ZBED6: variants seen among roughly 807,000 people sequenced by gnomAD.
The protein encoded by ZBED6 is zinc finger BED-type containing 6, also known as zinc finger BED domain-containing protein 6.
A neutral mutation model predicts 58.4 loss-of-function variants in ZBED6; 40 were observed. The ratio of observed to expected loss-of-function variants is 0.68; its 90% CI spans 0.53 to 0.89. The LOEUF is 0.89. ZBED6 is among the 40% of genes least tolerant of loss of function. ZBED6 has a pLI of 0.00. For missense variants in ZBED6, 1,057 were observed against 1,003.9 expected (o/e 1.05, Z -0.71); for synonymous variants, 439 against 350.6 (o/e 1.25, Z -2.82).
Position 203,822,201 on chromosome 1 carries a change from A to G in ZBED6, c.*2873+3512A>G, listed in dbSNP as rs189299486. ...TCCAGAAGTGAGAAACTTGGTTTTC[A>G]TTGTTCATAATACTTTTATTTATTT... On this transcript the variant is annotated intron_variant, in intron 3 of 16. Transcript: ENST00000550078. 1.8e-3 allele frequency among the ~76,000 whole-genome samples: 279 copies of G among 152,224 alleles called. 2 individuals are homozygous for G. The highest frequency in any genetic ancestry group is 6.5e-3 in the African/African-American group (268 of 41,532).
intron 16 of ZBED6, 122 bp from the exon 17 acceptor site, chr1:203,852,019 A>T: frequency 1.2e-6 from 1 of 822,162 alleles, no homozygotes; most frequent in Non-Finnish European, 1.9e-6. Flanking sequence ...TCAGTAAAAG[A>T]ATTATTTCTT....
chr1:203,841,947 C>T (rs1200506384), intron 11 of ZBED6, among the ~76,000 whole-genome samples: 1 of 140,246 alleles, frequency 7.1e-6, no homozygotes, highest in Non-Finnish European at 1.5e-5. Context: ...AGAGACACTC[C>T]TCAGTTCCCA....
At chr1:203,852,032 T>TAAA in intron 16 of ZBED6, 109 bp from the exon 17 acceptor site, 1 of 1,083,536 alleles carries the variant, frequency 9.2e-7, no homozygotes, top group Admixed American at 2.6e-5. Flanking sequence ...TATTTCTTTA[T>TAAA]GTATGTTCTT....
In ZBED6 at chr1:203,799,050, TTTCTC is replaced by T; in HGVS notation, c.1529_1533del (p.Phe510Ter). 1 of 1,536,186 alleles carries T rather than the reference TTTCTC, an allele frequency of 6.5e-7. No individual in the cohort carries two copies. Among genetic ancestry groups the T allele is most frequent in the Non-Finnish European group, 8.7e-7 (1 of 1,146,918 alleles). On this transcript the variant is annotated frameshift_variant, in exon 1 of 17. Coordinates refer to ENST00000550078, the Ensembl canonical transcript of ZBED6. LOFTEE classifies it high-confidence loss of function. ...CTGGGTTTCTTTGGAAACTGCGTCT[TTTCTC>T]AATAATGGCAGGATCCCCGATTTTA... is the stretch of plus-strand genomic sequence containing the variant.
intron 13 of ZBED6, 113 bp from the exon 14 acceptor site, chr1:203,849,598 C>G: frequency 9.8e-7 from 1 of 1,015,604 alleles, no homozygotes; most frequent in Non-Finnish European, 1.5e-6. Context: ...GCTTTTCTCT[C>G]AGATTCTGGA....
exon 1 of ZBED6, chr1:203,800,909 A>C (rs1670372101): frequency 1.3e-5 from 2 of 152,622 alleles, no homozygotes; most frequent in Non-Finnish European, 2.9e-5. Context: ...ATGCTTAATT[A>C]CAACTTGGCA....
intron 9 of ZBED6, among the ~76,000 whole-genome samples, chr1:203,835,058 C>G (rs1043665017): frequency 6.6e-6 from 1 of 152,198 alleles, no homozygotes; most frequent in African/African-American, 2.4e-5. Context: ...TGATGCAGTT[C>G]TCACTACCCT....
chr1:203,808,923 C>CG (rs767879909), intron 1 of ZBED6, among the ~76,000 whole-genome samples: 69 of 151,526 alleles, frequency 4.6e-4, no homozygotes, highest in Non-Finnish European at 8.7e-4. Flanking sequence ...CTCCACCTCC[C>CG]GGGTTCAGGT....
chr1:203,850,019 G>A (rs745660955), exon 14 of ZBED6: 3 of 1,613,904 alleles, frequency 1.9e-6, no homozygotes, highest in East Asian at 2.2e-5. Flanking sequence ...TGGAAAAAAG[G>A]GGTAAAGGCA....
At chr1:203,818,841 G>A (rs957885425) in intron 3 of ZBED6, 152 bp downstream of exon 3, 65 of 1,240,024 alleles carry the variant, frequency 5.2e-5, no homozygotes, top group African/African-American at 2.4e-4. Context: ...AGGCTGAGGC[G>A]GGTAGATCAT....
At chr1:203,843,839 T>C (rs1412582007) in intron 11 of ZBED6, among the ~76,000 whole-genome samples, 2 of 152,186 alleles carry the variant, frequency 1.3e-5, no homozygotes, top group Non-Finnish European at 2.9e-5. Context: ...TATTTTTTTT[T>C]CTTTATTCTC....
At chr1:203,799,387 C>A (rs1380120701) in exon 1 of ZBED6, 1 of 703,204 alleles carries the variant, frequency 1.4e-6, no homozygotes, top group African/African-American at 1.7e-5. Flanking sequence ...TCGGTCAAGG[C>A]CCGTCAGATA....
chr1:203,840,244 G>A (rs1685681231), intron 10 of ZBED6, 62 bp from the exon 11 acceptor site: 2 of 1,536,388 alleles, frequency 1.3e-6, no homozygotes, highest in African/African-American at 1.4e-5. Flanking sequence ...CAGCAAACCT[G>A]TATTTAAGCT....
Position 203,837,826 on chromosome 1 carries a change from T to C in ZBED6, c.*3574-140T>C, listed in dbSNP as rs939150847. On this transcript the variant is annotated intron_variant, in intron 9 of 16. Transcript: ENST00000550078. The stretch of plus-strand genomic sequence containing the variant: ...TTTTTATGTTTCTAACATTGAACTC[T>C]AAGGAAGCTGGTGAACAAACACGCC... 18 of 765,942 alleles carry C rather than the reference T, an allele frequency of 2.4e-5. No homozygotes were observed. The African/African-American group carries it at 3.2e-4, about 14-fold the overall frequency. 47.4% of individuals were successfully genotyped at this position (765,942 alleles called of 1,614,324 possible).
chr1:203,840,199 A>G (rs1685664487), intron 10 of ZBED6, 107 bp from the exon 11 acceptor site: 1 of 1,111,350 alleles, frequency 9.0e-7, no homozygotes, highest in African/African-American at 1.6e-5. Flanking sequence ...TTGGCCTCCC[A>G]AAGTTCTGGG....
At chr1:203,842,859 C>T (rs1407447834) in intron 11 of ZBED6, among the ~76,000 whole-genome samples, 3 of 149,988 alleles carry the variant, frequency 2.0e-5, no homozygotes, top group Non-Finnish European at 3.0e-5. Context: ...AATATAACTA[C>T]ATAAGTATAT....
chr1:203,850,312 A>T (rs10494847), intron 14 of ZBED6: 1 of 713,858 alleles, frequency 1.4e-6, no homozygotes, highest in South Asian at 1.8e-5. Context: ...AACAAATTTA[A>T]GTGGTATTGT....
intron 1 of ZBED6, among the ~76,000 whole-genome samples, chr1:203,809,488 C>G (rs1159468444): frequency 6.6e-6 from 1 of 151,950 alleles, no homozygotes; most frequent in African/African-American, 2.4e-5. Context: ...ACTCTTTTTT[C>G]ATAGTGGTAT....
chr1:203,850,619 G>C (rs764689623), exon 15 of ZBED6: 11 of 1,613,988 alleles, frequency 6.8e-6, no homozygotes, highest in Non-Finnish European at 9.3e-6. Context: ...TGTCATTGCC[G>C]CTGTGAAGCC....
Sources: gnomAD v4.1 joint callset for allele counts (sites outside exome capture counted in the v4.1 genomes callset) on GRCh38, gnomAD v4.1.1 for gene constraint, MANE v1.5 for transcripts, NCBI Gene and HGNC (gene_info 2026-07-23, HGNC 2026-07-21) for gene names.